The following GUCY1A1 variants were observed in gnomAD, a reference collection of about 807,000 sequenced individuals.
GUCY1A1 encodes guanylate cyclase soluble subunit alpha-1.
A neutral mutation model predicts 64.5 loss-of-function variants in GUCY1A1; 48 were observed. The ratio of observed to expected loss-of-function variants is 0.74; its 90% CI spans 0.59 to 0.95. The LOEUF (loss-of-function observed/expected upper bound fraction) is 0.95, where lower values mean the gene tolerates loss of function less well. Ranked by LOEUF, GUCY1A1 falls within the 40% of genes least tolerant of loss-of-function variation. The pLI, the probability that GUCY1A1 is intolerant of heterozygous loss-of-function variation, is 0.00. For missense variants in GUCY1A1, 804 were observed against 825.3 expected (o/e 0.97, Z 0.32); for synonymous variants, 308 against 303.4 (o/e 1.02, Z -0.16).
At chr4:155,715,947 G>A (rs1733176026) in intron 7 of GUCY1A1, among the ~76,000 whole-genome samples, 1 of 152,106 alleles carries the variant, frequency 6.6e-6, no homozygotes, top group Admixed American at 6.6e-5. Flanking sequence ...GTGGGTAAGG[G>A]GTGATTGCTA....
chr4:155,671,548 A>T (rs1030875994), intron 2 of GUCY1A1, among the ~76,000 whole-genome samples: 4 of 152,070 alleles, frequency 2.6e-5, no homozygotes, highest in Admixed American at 6.6e-5. Context: ...GTCTGCCCAG[A>T]TTATCTCCAG....
chr4:155,721,619 T>G (rs1733964077), intron 8 of GUCY1A1, among the ~76,000 whole-genome samples: 1 of 152,152 alleles, frequency 6.6e-6, no homozygotes, highest in African/African-American at 2.4e-5. Flanking sequence ...CTAGCTTCAT[T>G]TGCCCTTCTT....
chr4:155,701,293 G>A (rs774532026), intron 3 of GUCY1A1, among the ~76,000 whole-genome samples: 4 of 152,182 alleles, frequency 2.6e-5, no homozygotes, highest in South Asian at 4.2e-4. Context: ...TGCTTTGCAC[G>A]GACTTTATTC....
In GUCY1A1 at chr4:155,671,127, G is replaced by T. The variant is rs916129268; in HGVS notation, c.-113+3708G>T. On this transcript the variant is annotated intron_variant, in intron 2 of 9. Coordinates refer to ENST00000506455, the MANE Select transcript of GUCY1A1 (RefSeq NM_001130682.3). ...TAACATTGTTGTCATTGTTATTCTT[G>T]AATTAAGGCTTGTTTATGCTTTGAT... Among the ~76,000 whole-genome samples, 2 of 152,124 alleles carry T rather than the reference G, an allele frequency of 1.3e-5. 1 individual carries two copies. Among genetic ancestry groups the T allele is most frequent in the Admixed American group, 1.3e-4 (2 of 15,276 alleles).
At chr4:155,728,601 A>G (rs1735078470) in intron 9 of GUCY1A1, among the ~76,000 whole-genome samples, 1 of 151,882 alleles carries the variant, frequency 6.6e-6, no homozygotes, top group African/African-American at 2.4e-5. Context: ...CAACTTTACC[A>G]AGCATTAATT....
chr4:155,729,866 T>C (rs1267210337), intron 9 of GUCY1A1, among the ~76,000 whole-genome samples, 164 bp from the exon 10 acceptor site: 3 of 151,886 alleles, frequency 2.0e-5, no homozygotes, highest in African/African-American at 7.2e-5. Flanking sequence ...GATTCTTCAT[T>C]GTACTTCTGG....
chr4:155,670,965 T>G (rs1734072661), intron 2 of GUCY1A1, among the ~76,000 whole-genome samples: 1 of 152,180 alleles, frequency 6.6e-6, no homozygotes, highest in South Asian at 2.1e-4. Flanking sequence ...GCCTATCTAT[T>G]TATCCCCTTT....
Position 155,713,409 on chromosome 4 carries a change from G to A in GUCY1A1, c.1398G>A (p.Leu466=). ...SIFPCEVAQQ[L]WQGQVVQAKK... ...TTCCCTGTGAGGTTGCTCAGCAGCT[G>A]TGGCAAGGGCAAGTTGTGCAAGCCA... The change falls in exon 7 of 10, where the codon CTG becomes CTA. Residue 466 remains leucine, a synonymous_variant. Coordinates refer to ENST00000506455, the MANE Select transcript of GUCY1A1 (RefSeq NM_001130682.3). 1.2e-6 allele frequency: 2 copies of A among 1,614,200 alleles called. No homozygotes were observed. The highest frequency in any genetic ancestry group is 1.7e-6 in the Non-Finnish European group (2 of 1,180,026).
chr4:155,719,171 T>A (rs1176201861), intron 8 of GUCY1A1, among the ~76,000 whole-genome samples: 1 of 152,140 alleles, frequency 6.6e-6, no homozygotes, highest in Admixed American at 6.6e-5. Context: ...AAGAATTATT[T>A]ATAGCTAGTT....
chr4:155,700,138 C>T (rs1730895544), intron 3 of GUCY1A1, among the ~76,000 whole-genome samples: 1 of 152,056 alleles, frequency 6.6e-6, no homozygotes, highest in Admixed American at 6.6e-5. Flanking sequence ...CCCAATAATT[C>T]TGTAAGCTCC....
chr4:155,710,956 C>T lies in GUCY1A1; in HGVS notation c.791C>T (p.Pro264Leu), dbSNP rs1732491209. The T allele has an allele frequency of 6.2e-7, 1 of 1,613,478 alleles. No individual in the cohort carries two copies. The highest frequency in any genetic ancestry group is 8.5e-7 in the Non-Finnish European group (1 of 1,179,386). The change falls in exon 6 of 10, where the codon CCA becomes CTA. Residue 264 changes from proline (P) to leucine (L), a missense_variant. Transcript: ENST00000506455. ...LYSVHMKSTKPSLSPSKPQSS... is the reference protein window; with the variant it reads ...LYSVHMKSTKLSLSPSKPQSS... ...TCCGTTCACATGAAAAGCACCAAGC[C>T]ATCCCTGTCCCCCAGCAAACCCCAG...
At chr4:155,720,993 G>A (rs971728145) in intron 8 of GUCY1A1, among the ~76,000 whole-genome samples, 4 of 152,090 alleles carry the variant, frequency 2.6e-5, no homozygotes, top group Admixed American at 2.0e-4. Context: ...GCTAGGCAAG[G>A]TGACTTACAT....
intron 9 of GUCY1A1, among the ~76,000 whole-genome samples, chr4:155,724,131 T>C (rs902315890): frequency 1.3e-5 from 2 of 152,088 alleles, no homozygotes; most frequent in African/African-American, 2.4e-5. Context: ...TCCTTCTTTG[T>C]TCCCATTACA....
At chr4:155,668,725 T>G (rs2126468567) in intron 2 of GUCY1A1, among the ~76,000 whole-genome samples, 1 of 152,228 alleles carries the variant, frequency 6.6e-6, no homozygotes, top group East Asian at 1.9e-4. Flanking sequence ...TTATGTACAG[T>G]GGTAAAAAGT....
At chr4:155,700,781 C>A (rs1421392132) in intron 3 of GUCY1A1, among the ~76,000 whole-genome samples, 1 of 152,058 alleles carries the variant, frequency 6.6e-6, no homozygotes, top group Non-Finnish European at 1.5e-5. Context: ...TAAAGGCTTT[C>A]CCAAATAGTA....
chr4:155,714,456 T>A (rs1049324439), intron 7 of GUCY1A1, among the ~76,000 whole-genome samples: 1 of 152,246 alleles, frequency 6.6e-6, no homozygotes, highest in Non-Finnish European at 1.5e-5. Flanking sequence ...ACGTAACTAC[T>A]ATTAGTAAGA....
chr4:155,676,473 G>A lies in GUCY1A1; in HGVS notation c.-113+9054G>A, dbSNP rs537687222. 1.7e-3 allele frequency among the ~76,000 whole-genome samples: 258 copies of A among 151,378 alleles called. 2 individuals are homozygous for A. Among genetic ancestry groups the A allele is most frequent in the Non-Finnish European group, 2.8e-3 (193 of 68,012 alleles). On this transcript the variant is annotated intron_variant, in intron 2 of 9. Coordinates refer to ENST00000506455, the MANE Select transcript of GUCY1A1 (RefSeq NM_001130682.3). ...ATCTTAACATTGGATCTGTTTCAGC[G>A]CGTCCTGGAAATTAGTAGTTGCATG...
rs554950004 is a variant in GUCY1A1 at position 155,732,519 on chromosome 4, T to A, written c.*2288T>A. Among the ~76,000 whole-genome samples the A allele has an allele frequency of 2.0e-5, 3 of 152,066 alleles. No homozygotes were observed. The highest frequency in any genetic ancestry group is 7.2e-5 in the African/African-American group (3 of 41,534). ...TGCTAAAAAATTTAAGGAATATCTTTTTTTCTCTATCTTATCTGCTTTGAA... is the reference window on the plus strand; with the variant it reads ...TGCTAAAAAATTTAAGGAATATCTTATTTTCTCTATCTTATCTGCTTTGAA... On this transcript the variant is annotated 3_prime_UTR_variant, in exon 10 of 10. Transcript: ENST00000506455.
At chr4:155,706,982 G>C (rs1466096883) in intron 4 of GUCY1A1, among the ~76,000 whole-genome samples, 1 of 152,180 alleles carries the variant, frequency 6.6e-6, no homozygotes, top group Non-Finnish European at 1.5e-5. Context: ...ATTGCATGAA[G>C]AATAGGTTTC....
Sources: allele counts gnomAD v4.1 joint callset (sites outside exome capture counted in the v4.1 genomes callset), GRCh38; gene constraint gnomAD v4.1.1; transcripts MANE v1.5; gene names NCBI Gene and HGNC (gene_info 2026-07-23, HGNC 2026-07-21).